The following COMMD1 variants were observed in gnomAD, a reference collection of about 807,000 sequenced individuals.
COMMD1 encodes the protein COMM domain-containing protein 1.
In COMMD1, 10 loss-of-function variants were observed where a neutral mutation model predicts 17.2. The observed-to-expected ratio is 0.58, with a 90% CI of 0.36 to 0.99. The LOEUF (loss-of-function observed/expected upper bound fraction) is 0.99. Ranked by LOEUF, COMMD1 falls within the 50% of genes least tolerant of loss-of-function variation. COMMD1 has a pLI of 0.01. For synonymous variants in COMMD1, 97 were observed against 91.6 expected (o/e 1.06, Z -0.34); for missense variants, 270 against 231.8 (o/e 1.17, Z -1.07).
intron 1 of COMMD1, among the ~76,000 whole-genome samples, chr2:61,962,227 C>G (rs565629967): frequency 1.6e-4 from 24 of 152,248 alleles, no homozygotes; most frequent in African/African-American, 5.8e-4. Flanking sequence ...GAATTTTCCA[C>G]TACTTCTGCT....
intron 2 of COMMD1, among the ~76,000 whole-genome samples, chr2:62,006,676 C>G (rs1212358239): frequency 6.6e-6 from 1 of 152,222 alleles, no homozygotes; most frequent in African/African-American, 2.4e-5. Flanking sequence ...AGACTGAAAT[C>G]CTGTCATATT....
At chr2:61,944,867 G>T (rs1160802493) in intron 1 of COMMD1, among the ~76,000 whole-genome samples, 1 of 152,168 alleles carries the variant, frequency 6.6e-6, no homozygotes, top group East Asian at 1.9e-4. Context: ...ATGGGGAAGG[G>T]GAAGGGGAAG....
At chr2:61,988,120 A>G (rs914640957) in intron 1 of COMMD1, among the ~76,000 whole-genome samples, 4 of 152,118 alleles carry the variant, frequency 2.6e-5, no homozygotes, top group African/African-American at 9.7e-5. Context: ...AAGGCCTGAA[A>G]TTGAGGCTCC....
At chr2:62,055,569 C>T in intron 2 of COMMD1, 1 of 409,782 alleles carries the variant, frequency 2.4e-6, no homozygotes, top group Non-Finnish European at 4.8e-6. Context: ...CATTAAAAGA[C>T]AAGCCTTTGG....
At chr2:61,939,486 A>G (rs1670685826) in intron 1 of COMMD1, among the ~76,000 whole-genome samples, 1 of 151,876 alleles carries the variant, frequency 6.6e-6, no homozygotes, top group South Asian at 2.1e-4. Flanking sequence ...GAAAAAAAAA[A>G]AAGAATTGAT....
intron 2 of COMMD1, among the ~76,000 whole-genome samples, chr2:62,001,582 A>C (rs1325189992): frequency 1.3e-5 from 2 of 152,222 alleles, no homozygotes; most frequent in East Asian, 3.8e-4. Flanking sequence ...TTTGTGTTCC[A>C]GATGACTGCC....
At chr2:61,935,558 G>C (rs1006822679) in intron 1 of COMMD1, among the ~76,000 whole-genome samples, 4 of 147,512 alleles carry the variant, frequency 2.7e-5, no homozygotes, top group African/African-American at 1.0e-4. Flanking sequence ...AACCTGGGAG[G>C]TGGATGTTGC....
intron 1 of COMMD1, among the ~76,000 whole-genome samples, chr2:61,998,929 T>C (rs1338787378): frequency 5.3e-5 from 8 of 152,178 alleles, no homozygotes; most frequent in Admixed American, 3.9e-4. Flanking sequence ...ATGGGCATGT[T>C]TCATGGCGCC....
chr2:62,108,433 A>G (rs956298993), intron 2 of COMMD1, among the ~76,000 whole-genome samples: 1 of 152,158 alleles, frequency 6.6e-6, no homozygotes, highest in Non-Finnish European at 1.5e-5. Flanking sequence ...GATCTTATAT[A>G]CCATTTTTAA....
intron 2 of COMMD1, among the ~76,000 whole-genome samples, chr2:62,004,394 G>A (rs937422294): frequency 7.2e-5 from 11 of 152,164 alleles, no homozygotes; most frequent in Non-Finnish European, 1.2e-4. Flanking sequence ...TCCACCCTCC[G>A]AGTTCAAGTG....
At chr2:61,940,731 TG>T (rs1299791215) in intron 1 of COMMD1, among the ~76,000 whole-genome samples, 2 of 151,996 alleles carry the variant, frequency 1.3e-5, no homozygotes, top group Admixed American at 1.3e-4. Flanking sequence ...TCACCCAGGC[TG>T]GAGTGCAGTG....
At chr2:61,894,449 G>GAA (rs113752125) in intron 1 of COMMD1, among the ~76,000 whole-genome samples, 26 of 141,654 alleles carry the variant, frequency 1.8e-4, no homozygotes, top group African/African-American at 6.5e-4. Context: ...CTGGAAGAAT[G>GAA]AAAAAAAAAA....
At chr2:61,923,231 C>T (rs1268822417) in intron 1 of COMMD1, among the ~76,000 whole-genome samples, 1 of 151,758 alleles carries the variant, frequency 6.6e-6, no homozygotes, top group Non-Finnish European at 1.5e-5. Flanking sequence ...TAGGTGTAGT[C>T]ATTAATTTTC....
intron 1 of COMMD1, among the ~76,000 whole-genome samples, chr2:61,952,695 T>C (rs968265762): frequency 1.3e-5 from 2 of 152,228 alleles, no homozygotes; most frequent in African/African-American, 4.8e-5. Flanking sequence ...CCAGTTTCCC[T>C]GTGTTGCTGG....
At chr2:61,998,921 G>T (rs1668844156) in intron 1 of COMMD1, among the ~76,000 whole-genome samples, 1 of 152,140 alleles carries the variant, frequency 6.6e-6, no homozygotes, top group African/African-American at 2.4e-5. Flanking sequence ...TGTCTTCTAT[G>T]GGCATGTTTC....
chr2:61,889,754 T>C (rs1260392926), intron 1 of COMMD1, among the ~76,000 whole-genome samples: 2 of 152,022 alleles, frequency 1.3e-5, no homozygotes, highest in East Asian at 1.9e-4. Context: ...CAGGTCTGTC[T>C]AGTTACCACC....
intron 1 of COMMD1, among the ~76,000 whole-genome samples, chr2:61,908,781 C>A (rs967311657): frequency 6.8e-6 from 1 of 147,814 alleles, no homozygotes; most frequent in Non-Finnish European, 1.5e-5. Context: ...CTTGGCCAGG[C>A]TGGTCTTGAA....
intron 2 of COMMD1, among the ~76,000 whole-genome samples, chr2:62,004,273 A>T (rs566788427): frequency 2.0e-5 from 3 of 152,232 alleles, no homozygotes; most frequent in Non-Finnish European, 4.4e-5. Flanking sequence ...AATGAAAATG[A>T]TTGATATTGC....
intron 2 of COMMD1, among the ~76,000 whole-genome samples, chr2:62,130,169 A>AC (rs1672991610): frequency 6.6e-6 from 1 of 150,464 alleles, no homozygotes; most frequent in African/African-American, 2.5e-5. Flanking sequence ...AAAAAAAAAA[A>AC]CAAACAAAAA....
Sources: gnomAD v4.1 joint callset for allele counts (sites outside exome capture counted in the v4.1 genomes callset) on GRCh38, gnomAD v4.1.1 for gene constraint, MANE v1.5 for transcripts, NCBI Gene and HGNC (gene_info 2026-07-23, HGNC 2026-07-21) for gene names.